The following EXD3 variants were observed in gnomAD, a reference collection of about 807,000 sequenced individuals.
The protein encoded by EXD3 is exonuclease mut-7 homolog.
In EXD3, 92 loss-of-function variants were observed where a neutral mutation model predicts 98.0. The ratio of observed to expected loss-of-function variants is 0.94; its 90% CI spans 0.79 to 1.12. The LOEUF (loss-of-function observed/expected upper bound fraction) is 1.12. Among genes scored for constraint, EXD3 ranks in the 50% most tolerant of loss-of-function variants. The probability of loss-of-function intolerance (pLI) is 0.00; values close to 1 mark genes in which losing one functional copy is unlikely to be tolerated. For synonymous variants in EXD3, 569 were observed against 526.0 expected (o/e 1.08, Z -1.12); for missense variants, 1,222 against 1,191.6 (o/e 1.03, Z -0.38).
At chr9:137,365,918 T>C (rs1485550989) in intron 7 of EXD3, 2 of 413,136 alleles carry the variant, frequency 4.8e-6, no homozygotes, top group Non-Finnish European at 9.5e-6. Flanking sequence ...TGCACACACA[T>C]GCACACCTAC....
At chr9:137,399,840 C>T (rs1207928802) in intron 1 of EXD3, among the ~76,000 whole-genome samples, 1 of 152,034 alleles carries the variant, frequency 6.6e-6, no homozygotes, top group African/African-American at 2.4e-5. Flanking sequence ...GAGTTCATGA[C>T]CAGCCTGCCA....
At chr9:137,321,327 G>T (rs1832021272) in intron 19 of EXD3, among the ~76,000 whole-genome samples, 1 of 152,216 alleles carries the variant, frequency 6.6e-6, no homozygotes, top group African/African-American at 2.4e-5. Flanking sequence ...CACCAGCAGG[G>T]ACCCTGACAG....
chr9:137,343,088 C>T (rs1833733148), intron 17 of EXD3: 1 of 152,262 alleles, frequency 6.6e-6, no homozygotes, highest in African/African-American at 2.4e-5. Context: ...CCACTGCACT[C>T]CCGCCTGGGC....
chr9:137,391,559 C>T (rs1836909290), intron 2 of EXD3, among the ~76,000 whole-genome samples: 1 of 151,420 alleles, frequency 6.6e-6, no homozygotes, highest in Admixed American at 6.6e-5. Flanking sequence ...AGAGGGCCGG[C>T]CTCCCCGCCC....
intron 10 of EXD3, chr9:137,353,684 C>G: frequency 3.0e-6 from 3 of 985,702 alleles, no homozygotes; most frequent in Non-Finnish European, 3.6e-6. Context: ...AAATGCAGGG[C>G]CCAGCACAAG....
Position 137,395,314 on chromosome 9 carries a change from C to T in EXD3, c.44G>A (p.Arg15His), listed in dbSNP as rs200921596. 722 of 1,613,368 alleles carry T rather than the reference C, an allele frequency of 4.5e-4. 1 individual carries two copies. The highest frequency in any genetic ancestry group is 4.9e-4 in the Middle Eastern group (3 of 6,062). Residue 15 changes from arginine (R) to histidine (H), a missense_variant, in exon 2 of 22, where the codon CGC becomes CAC. By Grantham distance (29) the Arg-to-His change is conservative (BLOSUM62 0). Transcript: ENST00000340951. The surrounding 1 kb of genome is among the most constrained non-coding windows in gnomAD (Gnocchi z 6.5). Reference protein sequence around the residue: ...DPAGDPAAGERHRMGRDPLLL... With the variant: ...DPAGDPAAGEHHRMGRDPLLL... Reference sequence around the variant, plus strand: ...AGGCTCAGACTCACCCATGCGGTGGCGCTCGCCAGCGGCAGGGTCACCAGC... The same window carrying T: ...AGGCTCAGACTCACCCATGCGGTGGTGCTCGCCAGCGGCAGGGTCACCAGC...
Position 137,374,824 on chromosome 9 carries a change from T to A in EXD3, c.121-1225A>T, listed in dbSNP as rs1003780223. The A allele has an allele frequency of 4.1e-6, 4 of 985,368 alleles. No individual in the cohort carries two copies. The African/African-American group carries it at 7.0e-5, about 17-fold the overall frequency. 61.0% of individuals were successfully genotyped at this position (985,368 alleles called of 1,614,324 possible). On this transcript the variant is annotated intron_variant, in intron 3 of 21. Transcript: ENST00000340951. ...CTGAGCATCTCAAGCATCTGGAACTTGAAGCAACTTGAAGGAGCTCCAGGA... is the reference window on the plus strand; with the variant it reads ...CTGAGCATCTCAAGCATCTGGAACTAGAAGCAACTTGAAGGAGCTCCAGGA...
intron 3 of EXD3, chr9:137,381,242 C>T (rs981040837): frequency 6.7e-6 from 1 of 149,010 alleles, no homozygotes; most frequent in African/African-American, 2.5e-5. Flanking sequence ...GAAACTCCGT[C>T]TCTACTAAAA....
At chr9:137,384,462 G>C (rs1294527397) in intron 2 of EXD3, among the ~76,000 whole-genome samples, 1 of 152,218 alleles carries the variant, frequency 6.6e-6, no homozygotes, top group East Asian at 1.9e-4. Flanking sequence ...CCTGGGACGG[G>C]CAGGGAGCGC....
rs368988055 is a variant in EXD3, at chr9:137,373,041, C to T, written c.326G>A (p.Arg109Gln). Reference protein sequence around the residue: ...HSLRLKQLQARAVKVLTESPP... With the variant: ...HSLRLKQLQAQAVKVLTESPP... ...GCTCTCAGTGAGGACTTTGACCGCTCGGGCCTGCAGCTGCTTCAGCCTCAG... is the reference window on the plus strand; with the variant it reads ...GCTCTCAGTGAGGACTTTGACCGCTTGGGCCTGCAGCTGCTTCAGCCTCAG... Residue 109 changes from arginine (R) to glutamine (Q), a missense_variant, in exon 5 of 22, where the codon CGA becomes CAA. Coordinates refer to ENST00000340951, the MANE Select transcript of EXD3 (RefSeq NM_017820.5). 1.3e-5 allele frequency: 20 copies of T among 1,597,386 alleles called. No individual in the cohort carries two copies. The highest frequency in any genetic ancestry group is 1.1e-4 in the African/African-American group (8 of 74,808).
Position 137,371,744 on chromosome 9 carries a change from G to A in EXD3, c.462+1161C>T, listed in dbSNP as rs745583808. Among the ~76,000 whole-genome samples, 34 of 151,196 alleles carry A rather than the reference G, an allele frequency of 2.2e-4. No individual in the cohort carries two copies. Among genetic ancestry groups the A allele is most frequent in the Admixed American group, 7.9e-4 (12 of 15,188 alleles). On this transcript the variant is annotated intron_variant, in intron 5 of 21. Transcript: ENST00000340951. The surrounding 1 kb of genome is among the most constrained non-coding windows in gnomAD (Gnocchi z 8.0). ...CCCCTGGGCCAAGCACCCCCGGGCC[G>A]AGCACCCCCAAGCAGGACATCCCCT...
chr9:137,374,665 C>T lies in EXD3; in HGVS notation c.121-1066G>A, dbSNP rs552071297. ...TCCAGGAGGGTGCCATGCCCAAAGG[C>T]GCGGGAGGCAAGGCTGCAAAGTCCA... On this transcript the variant is annotated intron_variant, in intron 3 of 21. Coordinates refer to ENST00000340951, the MANE Select transcript of EXD3 (RefSeq NM_017820.5). The T allele has an allele frequency of 5.2e-5, 51 of 985,570 alleles. 1 individual carries two copies. In the South Asian group the frequency reaches 2.0e-3, roughly 38 times the overall value. The allele number at this position is 985,570 out of a possible 1,614,324, so 61.1% of individuals were successfully genotyped here.
At chr9:137,354,250 C>A in intron 10 of EXD3, 89 bp downstream of exon 10, 1 of 1,549,744 alleles carries the variant, frequency 6.5e-7, no homozygotes, top group Non-Finnish European at 8.7e-7. Flanking sequence ...CTCAGCTCTG[C>A]GCACTTCCAC....
At position 137,356,222 on chromosome 9, in the gene EXD3, C is replaced by T. The variant is rs189449117; in HGVS notation, c.757+46G>A. ...AGAGGATGTCCCTGGCCACGCTTGGCGGCTCTCCCTGGCCTGTGGGGCAGG... is the reference window on the plus strand; with the variant it reads ...AGAGGATGTCCCTGGCCACGCTTGGTGGCTCTCCCTGGCCTGTGGGGCAGG... On this transcript the variant is annotated intron_variant, in intron 8 of 21. Coordinates refer to ENST00000340951, the MANE Select transcript of EXD3 (RefSeq NM_017820.5). The T allele has an allele frequency of 3.1e-4, 439 of 1,436,232 alleles. 6 individuals carry two copies. The East Asian group carries it at 4.8e-3, about 16-fold the overall frequency. The allele number at this position is 1,436,232 out of a possible 1,614,324, so 89.0% of individuals were successfully genotyped here.
chr9:137,406,935 T>C (rs923657847), intron 1 of EXD3, among the ~76,000 whole-genome samples: 1 of 151,842 alleles, frequency 6.6e-6, no homozygotes, highest in African/African-American at 2.4e-5. Flanking sequence ...AGCCAGGCCG[T>C]CAGGCTCCGA....
intron 2 of EXD3, among the ~76,000 whole-genome samples, chr9:137,388,418 G>A (rs962338947): frequency 6.6e-6 from 1 of 152,186 alleles, no homozygotes; most frequent in Non-Finnish European, 1.5e-5. Flanking sequence ...TCCTCCAAAC[G>A]ACACCCGGCT....
At chr9:137,355,163 A>G in intron 8 of EXD3, among the ~76,000 whole-genome samples, 1 of 151,994 alleles carries the variant, frequency 6.6e-6, no homozygotes, top group Non-Finnish European at 1.5e-5. Context: ...CTGAAGCCCC[A>G]TGAGCGGCAG....
At chr9:137,315,848 C>T (rs957862066) in intron 19 of EXD3, among the ~76,000 whole-genome samples, 1 of 151,854 alleles carries the variant, frequency 6.6e-6, no homozygotes, top group African/African-American at 2.4e-5. Context: ...TTGGGTCAAA[C>T]CAAACAGAAG....
chr9:137,378,507 G>A (rs764304297), intron 3 of EXD3, among the ~76,000 whole-genome samples: 8 of 152,142 alleles, frequency 5.3e-5, no homozygotes, highest in African/African-American at 1.2e-4. Flanking sequence ...CACCACACCC[G>A]TCCTCCCCAA....
Sources: gnomAD v4.1 joint callset for allele counts (sites outside exome capture counted in the v4.1 genomes callset) on GRCh38, gnomAD v4.1.1 for gene constraint, Gnocchi (gnomAD v3.1) non-coding constraint, MANE v1.5 for transcripts, NCBI Gene and HGNC (gene_info 2026-07-23, HGNC 2026-07-21) for gene names.